Variants in NALCN observed in about 807,000 individuals in gnomAD.
The protein encoded by NALCN is sodium leak channel, non-selective.
A neutral mutation model predicts 225.3 loss-of-function variants in NALCN; 111 were observed. That is an observed-to-expected ratio of 0.49 (90% CI 0.42 to 0.58). The LOEUF (loss-of-function observed/expected upper bound fraction) is 0.58. Among genes scored for constraint, NALCN ranks in the 20% least tolerant of loss-of-function variants. The pLI is 0.00. For missense variants in NALCN, 1,378 were observed against 2,202.4 expected, an observed-to-expected ratio of 0.63 and a Z score of 7.49; for synonymous variants, 764 against 769.0, an observed-to-expected ratio of 0.99 and a Z score of 0.11.
At chr13:101,386,533 CTTATA>C (rs1379286884) in intron 3 of NALCN, among the ~76,000 whole-genome samples, 3 of 151,892 alleles carry the variant, frequency 2.0e-5, no homozygotes, top group African/African-American at 7.3e-5. Flanking sequence ...ATAACTCATT[CTTATA>C]TTACATTTAT....
intron 2 of NALCN, among the ~76,000 whole-genome samples, chr13:101,397,624 TTA>T (rs887519231): frequency 2.6e-5 from 4 of 151,328 alleles, no homozygotes; most frequent in Non-Finnish European, 2.9e-5. Context: ...ATATAACCTG[TTA>T]TATGTTTATA....
intron 10 of NALCN, among the ~76,000 whole-genome samples, chr13:101,278,025 T>C (rs1476476565): frequency 6.6e-6 from 1 of 152,192 alleles, no homozygotes; most frequent in Non-Finnish European, 1.5e-5. Context: ...TTTTAAACTT[T>C]GGGTCAAATT....
intron 1 of NALCN, among the ~76,000 whole-genome samples, chr13:101,407,551 T>A (rs192862091): frequency 4.6e-5 from 7 of 152,344 alleles, no homozygotes; most frequent in Non-Finnish European, 1.0e-4. Context: ...ACTTGAAAGA[T>A]GAGAACAAAT....
intron 17 of NALCN, among the ~76,000 whole-genome samples, chr13:101,134,985 G>A (rs535875572): frequency 1.3e-5 from 2 of 152,274 alleles, no homozygotes; most frequent in East Asian, 3.9e-4. Context: ...ACGAGGTCAG[G>A]AAATCGAGAC....
intron 12 of NALCN, among the ~76,000 whole-genome samples, chr13:101,230,480 C>T (rs1192394414): frequency 6.6e-6 from 1 of 152,206 alleles, no homozygotes; most frequent in Non-Finnish European, 1.5e-5. Context: ...TCCCTTGCAG[C>T]TAGCTGTCTC....
chr13:101,407,824 T>C (rs567008438), intron 1 of NALCN, among the ~76,000 whole-genome samples: 36 of 152,338 alleles, frequency 2.4e-4, no homozygotes, highest in African/African-American at 8.4e-4. Context: ...CTTCTGTACA[T>C]GTTCACAAAG....
chr13:101,146,818 G>A (rs975947279), intron 15 of NALCN, among the ~76,000 whole-genome samples: 1 of 152,136 alleles, frequency 6.6e-6, no homozygotes, highest in African/African-American at 2.4e-5. Flanking sequence ...GGAGCCCACA[G>A]TATAACTGGG....
At chr13:101,189,357 G>C (rs560015069) in intron 14 of NALCN, among the ~76,000 whole-genome samples, 125 of 152,218 alleles carry the variant, frequency 8.2e-4, no homozygotes, top group Non-Finnish European at 1.4e-3. Context: ...AAAAATATCT[G>C]AACATAATAT....
At chr13:101,159,963 A>ATT (rs1566360723) in intron 15 of NALCN, among the ~76,000 whole-genome samples, 1 of 151,306 alleles carries the variant, frequency 6.6e-6, no homozygotes, top group South Asian at 2.1e-4. Flanking sequence ...TTTTTATTTT[A>ATT]TTTTATTTTG....
chr13:101,345,397 G>C lies in NALCN; in HGVS notation c.668C>G (p.Ala223Gly). ...TGGTGAGCAGTGTGTGTCTGGAATA[G>C]CTAAACTATTCCAGGTTACATTCCT... ...KPGNVTWNSL[A>G]IPDTHCSPEL... Residue 223 changes from alanine (A) to glycine (G), a missense_variant, in exon 7 of 44, where the codon GCT becomes GGT. Physicochemically the swap from Ala to Gly is moderately conservative, Grantham distance 60 (BLOSUM62 0). Around this residue, in one of 19 missense-constraint regions of NALCN, gnomAD observed 67 missense variants for 82.1 expected, o/e 0.82. Transcript: ENST00000251127. 6.2e-7 allele frequency: 1 copy of C among 1,613,418 alleles called. No individual in the cohort carries two copies. The highest frequency in any genetic ancestry group is 8.5e-7 in the Non-Finnish European group (1 of 1,179,654).
In NALCN at chr13:101,228,792, T is replaced by C. The variant is rs866926326; in HGVS notation, c.1626+601A>G. Among the ~76,000 whole-genome samples, 8 of 152,336 alleles carry C rather than the reference T, an allele frequency of 5.3e-5. No homozygotes were observed. In the South Asian group the frequency reaches 1.7e-3, roughly 32 times the overall value. On this transcript the variant is annotated intron_variant, in intron 13 of 43. Coordinates refer to ENST00000251127, the MANE Select transcript of NALCN (RefSeq NM_052867.4). ...AATATATACATTATTTGTCTGGTCA[T>C]TGTATTTTTTTATGTTTCTAAGTCC...
intron 12 of NALCN, among the ~76,000 whole-genome samples, chr13:101,235,665 A>C (rs9513873): frequency 0.28 from 42,398 of 152,112 alleles, 6,926 homozygotes; most frequent in Non-Finnish European, 0.37. Flanking sequence ...TAACTCAACA[A>C]ATGAGGAGAG....
chr13:101,175,811 G>C (rs745843372), intron 15 of NALCN, among the ~76,000 whole-genome samples: 50 of 152,076 alleles, frequency 3.3e-4, no homozygotes, highest in Non-Finnish European at 4.1e-4. Flanking sequence ...ATGACATCCC[G>C]TCTGTTTTCA....
At chr13:101,373,408 CAAA>C (rs942096755) in intron 6 of NALCN, among the ~76,000 whole-genome samples, 1 of 152,052 alleles carries the variant, frequency 6.6e-6, no homozygotes, top group African/African-American at 2.4e-5. Context: ...TAATTTGTAA[CAAA>C]AACATTAGCA....
At chr13:101,122,130 A>C (rs1310735305) in intron 18 of NALCN, among the ~76,000 whole-genome samples, 1 of 152,102 alleles carries the variant, frequency 6.6e-6, no homozygotes, top group Non-Finnish European at 1.5e-5. Flanking sequence ...CATTGCCATT[A>C]CTATTACTAC....
At chr13:101,062,169 A>T in intron 40 of NALCN, 51 bp from the exon 41 acceptor site, 1 of 1,596,576 alleles carries the variant, frequency 6.3e-7, no homozygotes, top group Non-Finnish European at 8.5e-7. Flanking sequence ...CCTGAGATTT[A>T]CACCCTTAGA....
At chr13:101,245,452 A>G (rs980878118) in intron 11 of NALCN, among the ~76,000 whole-genome samples, 2 of 152,126 alleles carry the variant, frequency 1.3e-5, no homozygotes, top group African/African-American at 4.8e-5. Flanking sequence ...TTTGTTCTTA[A>G]TCACCACCTC....
At chr13:101,156,836 G>T (rs995424410) in intron 15 of NALCN, among the ~76,000 whole-genome samples, 1 of 152,132 alleles carries the variant, frequency 6.6e-6, no homozygotes, top group Non-Finnish European at 1.5e-5. Flanking sequence ...TAACATTGGG[G>T]TCTTGGACCC....
chr13:101,361,883 C>T (rs1328376579), intron 6 of NALCN, among the ~76,000 whole-genome samples: 1 of 152,034 alleles, frequency 6.6e-6, no homozygotes, highest in Non-Finnish European at 1.5e-5. Context: ...ATTCAAACTG[C>T]ATGGTTTTCT....
Sources: allele counts gnomAD v4.1 joint callset (sites outside exome capture counted in the v4.1 genomes callset), GRCh38; gene constraint gnomAD v4.1.1; regional missense constraint gnomAD v4.1.1; transcripts MANE v1.5; gene names NCBI Gene and HGNC (gene_info 2026-07-23, HGNC 2026-07-21).